The following GRIN2C variants were observed in gnomAD, a reference collection of about 807,000 sequenced individuals.
GRIN2C encodes the protein glutamate receptor ionotropic, NMDA 2C.
GRIN2C carries 64 observed loss-of-function variants against 77.7 expected under a neutral mutation model. The ratio of observed to expected loss-of-function variants is 0.82; its 90% CI spans 0.67 to 1.01. GRIN2C has a LOEUF of 1.01. GRIN2C is among the 50% of genes least tolerant of loss of function. The pLI is 0.00. For missense variants in GRIN2C, 1,549 were observed against 1,486.0 expected, an observed-to-expected ratio of 1.04 and a Z score of -0.70; for synonymous variants, 792 against 643.4, an observed-to-expected ratio of 1.23 and a Z score of -3.49.
At position 74,859,622 on chromosome 17, in the gene GRIN2C, A is replaced by C. The variant is rs2037904449; in HGVS notation, c.-16+122T>G. On this transcript the variant is annotated intron_variant, in intron 1 of 12. Transcript: ENST00000293190. This position sits in a 1 kb window ranked among gnomAD's most constrained non-coding sequence, Gnocchi z 5.9. The stretch of plus-strand genomic sequence containing the variant: ...GAGGACCGCCGTTCTAGCTTGCCCC[A>C]CTGCTGGGGGCACGGAGTTCTTGCT... 1 of 150,158 alleles carries C rather than the reference A, an allele frequency of 6.7e-6. No homozygotes were observed. Among genetic ancestry groups the C allele is most frequent in the South Asian group, 2.1e-4 (1 of 4,722 alleles). The allele number at this position is 150,158 out of a possible 1,614,324, so 9.3% of individuals were successfully genotyped here.
In GRIN2C at chr17:74,843,132, G is replaced by T. The variant is rs1404724265; in HGVS notation, c.3005C>A (p.Ala1002Glu). The stretch of plus-strand genomic sequence containing the variant: ...GTGCCCGGTCCGCACCGGCCACCGC[G>T]CCTCCCAGGCTGGGCGGCGCGACAC... The part of the protein sequence containing the change: ...SRVSRRPAWE[A>E]RWPVRTGHCG... The change falls in exon 13 of 13, where the codon GCG (alanine) becomes GAG (glutamate). Residue 1002 changes from alanine to glutamate, a missense_variant. By Grantham distance (107) the Ala-to-Glu change is moderately radical (BLOSUM62 -1). Coordinates refer to ENST00000293190, the MANE Select transcript of GRIN2C (RefSeq NM_000835.6). 1.0e-4 allele frequency: 42 copies of T among 420,290 alleles called. No homozygotes were observed. Among genetic ancestry groups the T allele is most frequent in the Admixed American group, 1.3e-4 (3 of 22,548 alleles). 26.0% of individuals were successfully genotyped at this position (420,290 alleles called of 1,614,324 possible).
At position 74,852,269 on chromosome 17, in the gene GRIN2C, G is replaced by A. The variant is rs1021442290; in HGVS notation, c.742C>T (p.Pro248Ser). The change falls in exon 3 of 13, where the codon CCC becomes TCC. Residue 248 changes from proline to serine, a missense_variant. By Grantham distance (74) the Pro-to-Ser change is moderately conservative (BLOSUM62 -1). Coordinates refer to ENST00000293190, the MANE Select transcript of GRIN2C (RefSeq NM_000835.6). ...AEAAQAGLVGPGHVWLVPNLA... is the reference protein window; with the variant it reads ...AEAAQAGLVGSGHVWLVPNLA... Reference sequence around the variant, plus strand: ...TTGGGCACCAGCCACACGTGGCCGGGCCCCACCAGACCGGCCTGCGCCGCC... The same window carrying A: ...TTGGGCACCAGCCACACGTGGCCGGACCCCACCAGACCGGCCTGCGCCGCC... 2.1e-6 allele frequency: 3 copies of A among 1,408,516 alleles called. No homozygotes were observed. Among genetic ancestry groups the A allele is most frequent in the Admixed American group, 3.3e-5 (1 of 30,556 alleles). 87.3% of individuals were successfully genotyped at this position (1,408,516 alleles called of 1,614,324 possible). A position where few individuals can be genotyped will look rare whatever the true frequency, so the allele number is the denominator to read the frequency against.
Position 74,850,825 on chromosome 17 carries a change from G to C in GRIN2C, c.1114-58C>G. On this transcript the variant is annotated intron_variant, in intron 4 of 12. Coordinates refer to ENST00000293190, the MANE Select transcript of GRIN2C (RefSeq NM_000835.6). This position sits in a 1 kb window ranked among gnomAD's most constrained non-coding sequence, Gnocchi z 5.3. The stretch of plus-strand genomic sequence containing the variant: ...CCAGCCCTACAGCCCCCACCCTCTA[G>C]GTGGAGCCTGCCAGGGCCAAGAATC... 1 of 1,408,494 alleles carries C rather than the reference G, an allele frequency of 7.1e-7. No individual in the cohort carries two copies. Among genetic ancestry groups the C allele is most frequent in the Non-Finnish European group, 9.9e-7 (1 of 1,014,288 alleles). The allele number at this position is 1,408,494 out of a possible 1,614,324, so 87.2% of individuals were successfully genotyped here.
rs781353411 is a variant in GRIN2C, at chr17:74,854,726, T to G, written c.367A>C (p.Ser123Arg). The G allele has an allele frequency of 6.2e-7, 1 of 1,610,454 alleles. No individual in the cohort carries two copies. The highest frequency in any genetic ancestry group is 8.5e-7 in the Non-Finnish European group (1 of 1,177,100). The change falls in exon 2 of 13, where the codon AGC becomes CGC. Residue 123 changes from serine to arginine, a missense_variant. Physicochemically the swap from Ser to Arg is moderately radical, Grantham distance 110. Transcript: ENST00000293190. Reference sequence around the variant, plus strand: ...GTGAGGACCACAGCAGAGCCTCCGCTGATGCTGAGGATGGGCACATGGGTC... The same window carrying G: ...GTGAGGACCACAGCAGAGCCTCCGCGGATGCTGAGGATGGGCACATGGGTC... ...SQTHVPILSI[S>R]GGSAVVLTPK... is the part of the protein sequence containing the mutation.
chr17:74,851,055 A>C, intron 4 of GRIN2C: 2 of 505,986 alleles, frequency 4.0e-6, no homozygotes, highest in East Asian at 3.3e-5. Context: ...AAGGCCCTTC[A>C]TGCTCCAAAC....
rs938663215 is a variant in GRIN2C, at chr17:74,847,963, C to T, written c.1660G>A (p.Ala554Thr). 6.2e-7 allele frequency: 1 copy of T among 1,614,094 alleles called. No individual in the cohort carries two copies. Among genetic ancestry groups the T allele is most frequent in the Non-Finnish European group, 8.5e-7 (1 of 1,179,972 alleles). The change falls in exon 8 of 13, where the codon GCA becomes ACA. Residue 554 changes from alanine (A) to threonine (T), a missense_variant. By Grantham distance (58) the Ala-to-Thr change is moderately conservative (BLOSUM62 0). Around this residue, in one of 3 missense-constraint regions of GRIN2C, gnomAD observed 717 missense variants for 858.1 expected, o/e 0.84. Coordinates refer to ENST00000293190, the MANE Select transcript of GRIN2C (RefSeq NM_000835.6). The surrounding 1 kb of genome is among the most constrained non-coding windows in gnomAD (Gnocchi z 5.2). ...PSAFLEPYSPAVWVMMFVMCL... is the reference protein window; with the variant it reads ...PSAFLEPYSPTVWVMMFVMCL... ...ATGACAAACATCATCACCCACACTGCAGGGCTATATGGCTCTGGGGACAGA... is the reference window on the plus strand; with the variant it reads ...ATGACAAACATCATCACCCACACTGTAGGGCTATATGGCTCTGGGGACAGA...
Position 74,843,361 on chromosome 17 carries a change from C to G in GRIN2C, c.2776G>C (p.Gly926Arg), listed in dbSNP as rs1382802053. Residue 926 changes from glycine (G) to arginine (R), a missense_variant, in exon 13 of 13, where the codon GGC becomes CGC. By Grantham distance (125) the Gly-to-Arg change is moderately radical. Around this residue, in one of 3 missense-constraint regions of GRIN2C, gnomAD observed 450 missense variants for 267.9 expected, o/e 1.68. Transcript: ENST00000293190. The stretch of plus-strand genomic sequence containing the variant: ...GGGGACGGTGGGGGCGCACGGCGGC[C>G]GCCACCCCAATTCTCGATGGTGCGA... The part of the protein sequence containing the change: ...ATRTIENWGG[G>R]RRAPPPSPCP... 6.6e-7 allele frequency: 1 copy of G among 1,523,874 alleles called. No individual in the cohort carries two copies. The highest frequency in any genetic ancestry group is 8.8e-7 in the Non-Finnish European group (1 of 1,138,928). 94.4% of individuals were successfully genotyped at this position (1,523,874 alleles called of 1,614,324 possible).
At position 74,849,431 on chromosome 17, in the gene GRIN2C, C is replaced by T. The variant is rs1042492738; in HGVS notation, c.1645+349G>A. Reference sequence around the variant, plus strand: ...AAGCAACACACCTCTTCGCACACTACACTCGCTCCTCAACTCCCCACGGGC... The same window carrying T: ...AAGCAACACACCTCTTCGCACACTATACTCGCTCCTCAACTCCCCACGGGC... On this transcript the variant is annotated intron_variant, in intron 7 of 12. Transcript: ENST00000293190. This position sits in a 1 kb window ranked among gnomAD's most constrained non-coding sequence, Gnocchi z 4.6. Among the ~76,000 whole-genome samples the T allele has an allele frequency of 1.3e-5, 2 of 152,196 alleles. No homozygotes were observed. Among genetic ancestry groups the T allele is most frequent in the Non-Finnish European group, 2.9e-5 (2 of 68,024 alleles).
rs2037890604 is a variant in GRIN2C at position 74,859,063 on chromosome 17, C to T, written c.-16+681G>A. ...CTCTGTGTAGTGGTCCCCTCCACCC[C>T]TCCATTCTGCCCTGCGGCAGGTGTG... On this transcript the variant is annotated intron_variant, in intron 1 of 12. Coordinates refer to ENST00000293190, the MANE Select transcript of GRIN2C (RefSeq NM_000835.6). The surrounding 1 kb of genome is among the most constrained non-coding windows in gnomAD (Gnocchi z 5.9). 6.6e-6 allele frequency among the ~76,000 whole-genome samples: 1 copy of T among 152,166 alleles called. No individual in the cohort carries two copies. Among genetic ancestry groups the T allele is most frequent in the African/African-American group, 2.4e-5 (1 of 41,438 alleles).
rs1410483591 is a variant in GRIN2C at position 74,859,172 on chromosome 17, C to A, written c.-16+572G>T. ...ATTGTCTCAGAGACCTCTGCCCACC[C>A]ACCCACTCAGGGTCTCACCCCTTCC... On this transcript the variant is annotated intron_variant, in intron 1 of 12. Coordinates refer to ENST00000293190, the MANE Select transcript of GRIN2C (RefSeq NM_000835.6). The surrounding 1 kb of genome is among the most constrained non-coding windows in gnomAD (Gnocchi z 5.9). 5.3e-5 allele frequency among the ~76,000 whole-genome samples: 8 copies of A among 152,210 alleles called. No homozygotes were observed. Among genetic ancestry groups the A allele is most frequent in the Non-Finnish European group, 1.5e-5 (1 of 68,034 alleles).
chr17:74,854,811 G>C lies in GRIN2C; in HGVS notation c.282C>G (p.Val94=). Residue 94 remains valine, a synonymous_variant, in exon 2 of 13, where the codon GTC becomes GTG. Transcript: ENST00000293190. ...LLGAAHVHGI[V]FEDNVDTEAV... ...CCTCGGTGTCCACGTTGTCCTCAAAGACAATGCCGTGGACGTGGGCAGCAC... is the reference window on the plus strand; with the variant it reads ...CCTCGGTGTCCACGTTGTCCTCAAACACAATGCCGTGGACGTGGGCAGCAC... 1 of 1,613,864 alleles carries C rather than the reference G, an allele frequency of 6.2e-7. No individual in the cohort carries two copies. The highest frequency in any genetic ancestry group is 8.5e-7 in the Non-Finnish European group (1 of 1,179,742).
upstream of GRIN2C, among the ~76,000 whole-genome samples, chr17:74,860,123 C>T (rs2037919219): frequency 1.3e-5 from 2 of 152,024 alleles, no homozygotes; most frequent in South Asian, 2.1e-4. Context: ...GCCCGGGGGC[C>T]CTGGGCGAAC....
At position 74,842,944 on chromosome 17, in the gene GRIN2C, C is replaced by A; in HGVS notation, c.3193G>T (p.Ala1065Ser). Residue 1065 changes from alanine (A) to serine (S), a missense_variant, in exon 13 of 13, where the codon GCC becomes TCC. Ala to Ser is a moderately conservative substitution (Grantham distance 99). Around this residue, in one of 3 missense-constraint regions of GRIN2C, gnomAD observed 450 missense variants for 267.9 expected, o/e 1.68. Coordinates refer to ENST00000293190, the MANE Select transcript of GRIN2C (RefSeq NM_000835.6). Reference sequence around the variant, plus strand: ...CGGGCCCAGGCCGCGTGCAGCAGGGCCTCCCGCCGGGCCAGCTGCTCCGGA... The same window carrying A: ...CGGGCCCAGGCCGCGTGCAGCAGGGACTCCCGCCGGGCCAGCTGCTCCGGA... ...LGPEQLARRE[A>S]LLHAAWARGS... 1 of 557,794 alleles carries A rather than the reference C, an allele frequency of 1.8e-6. No homozygotes were observed. The highest frequency in any genetic ancestry group is 3.2e-6 in the Non-Finnish European group (1 of 317,376). 34.6% of individuals were successfully genotyped at this position (557,794 alleles called of 1,614,324 possible).
intron 2 of GRIN2C, 157 bp from the exon 3 acceptor site, chr17:74,852,768 A>C: frequency 2.2e-6 from 1 of 464,196 alleles, no homozygotes; most frequent in Non-Finnish European, 3.8e-6. Context: ...TCCCGCCCCA[A>C]TGTGGTTCCC....
Position 74,843,300 on chromosome 17 carries a change from A to G in GRIN2C, c.2837T>C (p.Leu946Pro). 1 of 1,244,304 alleles carries G rather than the reference A, an allele frequency of 8.0e-7. No homozygotes were observed. The highest frequency in any genetic ancestry group is 1.1e-6 in the Non-Finnish European group (1 of 919,748). The allele number at this position is 1,244,304 out of a possible 1,614,324, so 77.1% of individuals were successfully genotyped here. ...PTPRSGPSPC[L>P]PTPDPPPEPS... Reference sequence around the variant, plus strand: ...CTCTGGGGGCGGGTCGGGGGTGGGCAGGCATGGGCTGGGGCCAGACCGCGG... The same window carrying G: ...CTCTGGGGGCGGGTCGGGGGTGGGCGGGCATGGGCTGGGGCCAGACCGCGG... Residue 946 changes from leucine (L) to proline (P), a missense_variant, in exon 13 of 13, where the codon CTG (leucine) becomes CCG (proline). Leu to Pro is a moderately conservative substitution (Grantham distance 98). This residue lies in a region of GRIN2C where 450 missense variants were observed against 267.9 expected (regional missense o/e 1.68). Transcript: ENST00000293190.
Position 74,850,425 on chromosome 17 carries a change from C to G in GRIN2C, c.1326-54G>C. On this transcript the variant is annotated intron_variant, in intron 5 of 12. Transcript: ENST00000293190. The surrounding 1 kb of genome is among the most constrained non-coding windows in gnomAD (Gnocchi z 5.3). ...GGAGTCAGAGTATGTCGTGGCCCAG[C>G]CCCGCCCCAGCCACTCCTCCAGCCT... 1 of 1,592,234 alleles carries G rather than the reference C, an allele frequency of 6.3e-7. No individual in the cohort carries two copies. The highest frequency in any genetic ancestry group is 8.5e-7 in the Non-Finnish European group (1 of 1,169,968).
In GRIN2C at chr17:74,847,641, TG is replaced by T. The variant is rs907631361; in HGVS notation, c.1772-105del. 2.0e-5 allele frequency: 19 copies of T among 958,626 alleles called. No homozygotes were observed. The East Asian group carries it at 2.4e-4, about 12-fold the overall frequency. 59.4% of individuals were successfully genotyped at this position (958,626 alleles called of 1,614,324 possible). A position where few individuals can be genotyped will look rare whatever the true frequency, so the allele number is the denominator to read the frequency against. On this transcript the variant is annotated intron_variant, in intron 8 of 12. Transcript: ENST00000293190. The surrounding 1 kb of genome is among the most constrained non-coding windows in gnomAD (Gnocchi z 5.2). The stretch of plus-strand genomic sequence containing the variant: ...CACAGCTCCGGTCTCAGCCTGGCCT[TG>T]GGGGGGACGCGTCCTGGCCATTCCC...
upstream of GRIN2C, chr17:74,860,595 GC>G: frequency 2.3e-6 from 1 of 438,520 alleles, no homozygotes; most frequent in Non-Finnish European, 4.6e-6. Context: ...CCTGGGCGAA[GC>G]CCCCAGAGAC....
chr17:74,849,634 T>A lies in GRIN2C; in HGVS notation c.1645+146A>T. 1 of 675,808 alleles carries A rather than the reference T, an allele frequency of 1.5e-6. No homozygotes were observed. The allele number at this position is 675,808 out of a possible 1,614,324, so 41.9% of individuals were successfully genotyped here. On this transcript the variant is annotated intron_variant, in intron 7 of 12. Coordinates refer to ENST00000293190, the MANE Select transcript of GRIN2C (RefSeq NM_000835.6). This position sits in a 1 kb window ranked among gnomAD's most constrained non-coding sequence, Gnocchi z 4.6. Reference sequence around the variant, plus strand: ...TTCACTTCTCCTGTCTCCTTTCCACTCACCTCCAGCCAACCTCCAAGACCC... The same window carrying A: ...TTCACTTCTCCTGTCTCCTTTCCACACACCTCCAGCCAACCTCCAAGACCC...
Sources: allele counts gnomAD v4.1 joint callset (sites outside exome capture counted in the v4.1 genomes callset), GRCh38; gene constraint gnomAD v4.1.1; regional missense constraint gnomAD v4.1.1; non-coding constraint Gnocchi (gnomAD v3.1); transcripts MANE v1.5; gene names NCBI Gene and HGNC (gene_info 2026-07-23, HGNC 2026-07-21).